Variants in SLC44A5 observed in about 807,000 individuals in gnomAD.
SLC44A5 encodes the protein choline transporter-like protein 5.
Under a neutral mutation model 101.8 loss-of-function variants are expected in SLC44A5, and 57 were observed. That is an observed-to-expected ratio of 0.56 (90% CI 0.45 to 0.70). SLC44A5 has a LOEUF of 0.70. SLC44A5 is among the 30% of genes least tolerant of loss of function. SLC44A5 has a pLI of 0.00. For synonymous variants in SLC44A5, 281 were observed against 290.9 expected (o/e 0.97, Z 0.35); for missense variants, 737 against 853.1 (o/e 0.86, Z 1.70).
intron 2 of SLC44A5, among the ~76,000 whole-genome samples, chr1:75,516,644 A>C (rs74089295): frequency 0.017 from 2,623 of 152,276 alleles, 68 homozygotes; most frequent in African/African-American, 0.06. Flanking sequence ...GAATGAATCT[A>C]AGTTCTATGT....
At chr1:75,416,648 G>A (rs1249279518) in intron 2 of SLC44A5, among the ~76,000 whole-genome samples, 1 of 152,230 alleles carries the variant, frequency 6.6e-6, no homozygotes, top group Non-Finnish European at 1.5e-5. Flanking sequence ...ACCAGCCCAT[G>A]AAAGCAGCCG....
At chr1:75,239,656 A>G (rs1053684815) in intron 9 of SLC44A5, among the ~76,000 whole-genome samples, 1 of 151,986 alleles carries the variant, frequency 6.6e-6, no homozygotes, top group African/African-American at 2.4e-5. Context: ...TTGACACAGT[A>G]GCCTTTACCA....
intron 3 of SLC44A5, among the ~76,000 whole-genome samples, chr1:75,344,963 C>T (rs150663218): frequency 0.018 from 2,741 of 151,450 alleles, 42 homozygotes; most frequent in Non-Finnish European, 0.03. Context: ...CTGTTACCTA[C>T]ATTAGTGCCT....
chr1:75,304,584 C>G (rs980779113), intron 4 of SLC44A5, among the ~76,000 whole-genome samples: 1 of 152,030 alleles, frequency 6.6e-6, no homozygotes, highest in Non-Finnish European at 1.5e-5. Context: ...CTGTCACAAT[C>G]CTAAATGTTC....
At chr1:75,488,888 G>A (rs1668293182) in intron 2 of SLC44A5, among the ~76,000 whole-genome samples, 1 of 152,096 alleles carries the variant, frequency 6.6e-6, no homozygotes, top group Non-Finnish European at 1.5e-5. Context: ...CGATCTTGTT[G>A]CCCAGGCTGG....
the SLC44A5 span, among the ~76,000 whole-genome samples, chr1:75,680,158 T>C: frequency 6.6e-6 from 1 of 152,034 alleles, no homozygotes; most frequent in Non-Finnish European, 1.5e-5. Context: ...CACACATAAA[T>C]AATGGGAGGC....
intron 11 of SLC44A5, among the ~76,000 whole-genome samples, chr1:75,236,567 A>G (rs772798240): frequency 9.2e-5 from 14 of 152,028 alleles, no homozygotes; most frequent in Non-Finnish European, 1.5e-4. Flanking sequence ...ATGTGTTGAA[A>G]AATAGGAACG....
chr1:75,667,182 C>T, the SLC44A5 span, among the ~76,000 whole-genome samples: 1 of 152,098 alleles, frequency 6.6e-6, no homozygotes, highest in African/African-American at 2.4e-5. Flanking sequence ...TTAGAAAACC[C>T]CATCATCTCA....
chr1:75,284,887 G>A (rs1424465626), intron 5 of SLC44A5, among the ~76,000 whole-genome samples: 2 of 152,018 alleles, frequency 1.3e-5, no homozygotes, highest in Non-Finnish European at 2.9e-5. Context: ...TTATTGTTTT[G>A]ATGTGCTGTT....
the SLC44A5 span, among the ~76,000 whole-genome samples, chr1:75,692,118 A>G: frequency 2.0e-5 from 3 of 152,208 alleles, no homozygotes; most frequent in African/African-American, 7.2e-5. Context: ...GAAAACCACA[A>G]GTAAAAAACA....
chr1:75,255,121 G>A (rs988298), intron 6 of SLC44A5, among the ~76,000 whole-genome samples: 33 of 152,094 alleles, frequency 2.2e-4, no homozygotes, highest in African/African-American at 5.6e-4. Flanking sequence ...CCCACATGGT[G>A]CAGAGGCCTC....
intron 1 of SLC44A5, among the ~76,000 whole-genome samples, chr1:75,565,661 A>C (rs1672750180): frequency 6.6e-6 from 1 of 152,198 alleles, no homozygotes; most frequent in African/African-American, 2.4e-5. Context: ...TATCAGAGCC[A>C]GGTTCAAGTC....
At chr1:75,539,130 C>T (rs979783983) in intron 2 of SLC44A5, among the ~76,000 whole-genome samples, 1 of 152,188 alleles carries the variant, frequency 6.6e-6, no homozygotes, top group Non-Finnish European at 1.5e-5. Context: ...AATATAGTCA[C>T]ATTGTTATTA....
At chr1:75,605,849 T>C (rs1464248167) in intron 1 of SLC44A5, among the ~76,000 whole-genome samples, 1 of 152,046 alleles carries the variant, frequency 6.6e-6, no homozygotes, top group African/African-American at 2.4e-5. Flanking sequence ...CAGAAGCAGC[T>C]TCCTAGCTTC....
chr1:75,383,730 C>A (rs890567144), intron 3 of SLC44A5, among the ~76,000 whole-genome samples: 2 of 151,914 alleles, frequency 1.3e-5, no homozygotes, highest in Admixed American at 6.6e-5. Flanking sequence ...TCCTCGAGAA[C>A]AGCAACTCCA....
At chr1:75,692,395 C>T in the SLC44A5 span, among the ~76,000 whole-genome samples, 1 of 151,796 alleles carries the variant, frequency 6.6e-6, no homozygotes, top group Admixed American at 6.6e-5. Flanking sequence ...CGGGGTTTCA[C>T]CATGTTAGCC....
intron 2 of SLC44A5, among the ~76,000 whole-genome samples, chr1:75,450,133 C>T (rs959372855): frequency 1.3e-5 from 2 of 152,162 alleles, no homozygotes; most frequent in African/African-American, 4.8e-5. Flanking sequence ...CACGAGCAAA[C>T]TTCCCCCGTG....
intron 2 of SLC44A5, among the ~76,000 whole-genome samples, chr1:75,419,520 A>G (rs1001765784): frequency 1.2e-4 from 18 of 151,928 alleles, no homozygotes; most frequent in African/African-American, 4.3e-4. Flanking sequence ...GGAAAAAAAA[A>G]CTTTCAAAAA....
At chr1:75,576,520 G>A (rs563535235) in intron 1 of SLC44A5, among the ~76,000 whole-genome samples, 5 of 152,010 alleles carry the variant, frequency 3.3e-5, no homozygotes, top group Admixed American at 2.0e-4. Flanking sequence ...GGGTTTCACC[G>A]TGTTAGCCAG....
Sources: allele counts gnomAD v4.1 joint callset (sites outside exome capture counted in the v4.1 genomes callset), GRCh38; gene constraint gnomAD v4.1.1; transcripts MANE v1.5; gene names NCBI Gene and HGNC (gene_info 2026-07-23, HGNC 2026-07-21).